Variants in TLK1 observed in about 807,000 individuals in gnomAD.
TLK1 encodes the protein serine/threonine-protein kinase tousled-like 1.
A neutral mutation model predicts 105.3 loss-of-function variants in TLK1; 24 were observed. The observed-to-expected ratio is 0.23, with a 90% CI of 0.17 to 0.32. The LOEUF is 0.32. Among genes scored for constraint, TLK1 ranks in the 10% least tolerant of loss-of-function variants. TLK1 has a pLI of 1.00. For synonymous variants in TLK1, 321 were observed against 310.4 expected (o/e 1.03, Z -0.36); for missense variants, 558 against 910.5 (o/e 0.61, Z 4.98).
chr2:171,019,320 T>C (rs924006303), intron 12 of TLK1, among the ~76,000 whole-genome samples: 13 of 152,202 alleles, frequency 8.5e-5, no homozygotes, highest in African/African-American at 3.1e-4. Context: ...TTAAAAATGA[T>C]AGGTGGTTCC....
intron 2 of TLK1, among the ~76,000 whole-genome samples, chr2:171,117,112 AG>A (rs1274552222): frequency 6.6e-6 from 1 of 152,150 alleles, no homozygotes; most frequent in African/African-American, 2.4e-5. Flanking sequence ...ATGAAAAAAG[AG>A]GGAAGGTGGA....
chr2:171,203,433 G>C (rs1038150092), intron 1 of TLK1, among the ~76,000 whole-genome samples: 1 of 152,194 alleles, frequency 6.6e-6, no homozygotes, highest in African/African-American at 2.4e-5. Context: ...TATGTAAGTG[G>C]AATAACATTG....
In TLK1 at chr2:171,053,793, T is replaced by C. The variant is rs754442668; in HGVS notation, c.700A>G (p.Lys234Glu). The C allele has an allele frequency of 3.1e-6, 5 of 1,610,846 alleles. No individual in the cohort carries two copies. The African/African-American group carries it at 4.0e-5, about 13-fold the overall frequency. ...LESNKIQDLE[K>E]KEGRIDDLLR... ...AAATCATCTATACGTCCCTCCTTCT[T>C]TTCCAGGTCCTGGATTTTATTACTT... Residue 234 changes from lysine (K) to glutamate (E), a missense_variant, in exon 8 of 21, where the codon AAG (lysine) becomes GAG (glutamate). Lys to Glu is a moderately conservative substitution (Grantham distance 56). Around this residue, in one of 5 missense-constraint regions of TLK1, gnomAD observed 196 missense variants for 239.3 expected, o/e 0.82. Coordinates refer to ENST00000431350, the MANE Select transcript of TLK1 (RefSeq NM_012290.5).
chr2:171,225,404 G>A (rs1023689128), intron 1 of TLK1, among the ~76,000 whole-genome samples: 4 of 152,006 alleles, frequency 2.6e-5, no homozygotes, highest in Admixed American at 6.6e-5. Context: ...AGTCATCAGG[G>A]ACTCAAAACC....
intron 7 of TLK1, chr2:171,054,122 T>A: frequency 4.3e-6 from 1 of 231,992 alleles, no homozygotes; most frequent in Non-Finnish European, 8.3e-6. Flanking sequence ...GTGCTATACG[T>A]TCCTCTAGTT....
rs182643058 is a variant in TLK1 at position 171,076,774 on chromosome 2, C to A, written c.330+6007G>T. On this transcript the variant is annotated intron_variant, in intron 3 of 20. Transcript: ENST00000431350. ...AAAAAATACAAAAAAATCAGCCAGG[C>A]GTGGTGGTGGGCGCTTGTAGTCCCA... Among the ~76,000 whole-genome samples, 171 of 150,926 alleles carry A rather than the reference C, an allele frequency of 1.1e-3. 1 individual carries two copies. The highest frequency in any genetic ancestry group is 4.0e-3 in the African/African-American group (164 of 41,112).
At chr2:171,226,841 T>C (rs1381903602) in intron 1 of TLK1, among the ~76,000 whole-genome samples, 2 of 152,146 alleles carry the variant, frequency 1.3e-5, no homozygotes, top group Non-Finnish European at 2.9e-5. Context: ...TTATGTAAAA[T>C]AATCAATTTA....
intron 1 of TLK1, among the ~76,000 whole-genome samples, chr2:171,212,163 A>G (rs1693629052): frequency 2.6e-5 from 4 of 152,098 alleles, no homozygotes; most frequent in Admixed American, 2.6e-4. Flanking sequence ...AAGCTTGTCT[A>G]ACAAGCCTTT....
At chr2:171,184,432 C>T (rs998361311) in intron 1 of TLK1, among the ~76,000 whole-genome samples, 2 of 152,046 alleles carry the variant, frequency 1.3e-5, no homozygotes, top group African/African-American at 2.4e-5. Context: ...CACCTGAATT[C>T]GGGAGTTTGA....
At chr2:171,150,869 T>C (rs190681888) in intron 1 of TLK1, among the ~76,000 whole-genome samples, 16 of 152,338 alleles carry the variant, frequency 1.1e-4, no homozygotes, top group Admixed American at 7.8e-4. Flanking sequence ...AAAGGATTCA[T>C]GACTAACATC....
rs552319323 is a variant in TLK1, at chr2:171,016,298, C to T, written c.1237-1350G>A. ...CTAGGACTACAGGCATGCGCCACCA[C>T]ACCTGGCTATTTTTTTGTAGAGATG... On this transcript the variant is annotated intron_variant, in intron 12 of 20. Transcript: ENST00000431350. Among the ~76,000 whole-genome samples, 238 of 152,220 alleles carry T rather than the reference C, an allele frequency of 1.6e-3. 2 individuals carry two copies. The highest frequency in any genetic ancestry group is 2.2e-3 in the Non-Finnish European group (152 of 68,000).
intron 1 of TLK1, among the ~76,000 whole-genome samples, chr2:171,142,996 TTGAACTC>T (rs1558965497): frequency 6.6e-6 from 1 of 152,128 alleles, no homozygotes; most frequent in Non-Finnish European, 1.5e-5. Flanking sequence ...CCAGAATCAC[TTGAACTC>T]AGAGACAGAA....
At chr2:171,068,747 A>T (rs190971955) in intron 3 of TLK1, among the ~76,000 whole-genome samples, 1 of 152,226 alleles carries the variant, frequency 6.6e-6, no homozygotes, top group African/African-American at 2.4e-5. Context: ...TCCACTTTAC[A>T]GTATCTCTAA....
At chr2:171,081,465 A>T (rs1415305279) in intron 3 of TLK1, among the ~76,000 whole-genome samples, 1 of 152,258 alleles carries the variant, frequency 6.6e-6, no homozygotes, top group Admixed American at 6.5e-5. Flanking sequence ...ATTCTGGGAA[A>T]ATATCAAGAA....
chr2:171,184,210 T>G (rs531411313), intron 1 of TLK1, among the ~76,000 whole-genome samples: 3 of 152,310 alleles, frequency 2.0e-5, no homozygotes, highest in Admixed American at 6.5e-5. Context: ...GGTTCTCACC[T>G]AGAGAATCCA....
chr2:171,155,881 T>C (rs1692212898), intron 1 of TLK1: 1 of 152,190 alleles, frequency 6.6e-6, no homozygotes, highest in African/African-American at 2.4e-5. Flanking sequence ...AGCAGGAGAA[T>C]GGATCTATTC....
chr2:171,091,398 T>A (rs1575589616), intron 2 of TLK1, among the ~76,000 whole-genome samples: 1 of 152,180 alleles, frequency 6.6e-6, no homozygotes, highest in African/African-American at 2.4e-5. Context: ...CTGTCTTAAA[T>A]TTGGGATTTG....
intron 6 of TLK1, 28 bp from the exon 7 acceptor site, chr2:171,055,200 T>TTGAAA: frequency 1.1e-6 from 1 of 943,274 alleles, no homozygotes; most frequent in Non-Finnish European, 1.4e-6. Flanking sequence ...ATTTTTATAT[T>TTGAAA]AGCAAAAAAA....
At chr2:171,145,571 C>A in intron 1 of TLK1, among the ~76,000 whole-genome samples, 1 of 146,170 alleles carries the variant, frequency 6.8e-6, no homozygotes, top group Non-Finnish European at 1.5e-5. Context: ...GACTGGGCAA[C>A]AGGGTGAGAC....
Sources: gnomAD v4.1 joint callset for allele counts (sites outside exome capture counted in the v4.1 genomes callset) on GRCh38, gnomAD v4.1.1 for gene constraint, gnomAD v4.1.1 regional missense constraint, MANE v1.5 for transcripts, NCBI Gene and HGNC (gene_info 2026-07-23, HGNC 2026-07-21) for gene names.